TNFRSF19: variants seen among roughly 807,000 people sequenced by gnomAD.
TNFRSF19 encodes TNF receptor superfamily member 19.
A neutral mutation model predicts 46.4 loss-of-function variants in TNFRSF19; 27 were observed. The observed-to-expected ratio is 0.58, with a 90% CI of 0.43 to 0.80. The LOEUF is 0.80. Among genes scored for constraint, TNFRSF19 ranks in the 30% least tolerant of loss-of-function variants. The pLI is 0.00. For synonymous variants in TNFRSF19, 204 were observed against 205.0 expected (o/e 1.00, Z 0.04); for missense variants, 511 against 530.8 (o/e 0.96, Z 0.37).
intron 1 of TNFRSF19, among the ~76,000 whole-genome samples, chr13:23,581,498 T>G: frequency 6.6e-6 from 1 of 152,202 alleles, no homozygotes; most frequent in Admixed American, 6.5e-5. Flanking sequence ...TGCTCACATG[T>G]AAAAGTAGCT....
At chr13:23,592,042 A>G (rs1879348599) in intron 2 of TNFRSF19, among the ~76,000 whole-genome samples, 2 of 152,028 alleles carry the variant, frequency 1.3e-5, no homozygotes, top group South Asian at 2.1e-4. Context: ...AGAATTTTCT[A>G]GTCTCAAACC....
intron 5 of TNFRSF19, among the ~76,000 whole-genome samples, chr13:23,643,076 C>A (rs1340359087): frequency 6.6e-6 from 1 of 152,220 alleles, no homozygotes; most frequent in Admixed American, 6.5e-5. Flanking sequence ...TTACCTTTAA[C>A]CCTTCGATCC....
intron 3 of TNFRSF19, among the ~76,000 whole-genome samples, chr13:23,612,505 CT>C (rs1161785067): frequency 6.6e-6 from 1 of 152,152 alleles, no homozygotes; most frequent in East Asian, 1.9e-4. Flanking sequence ...AATTTAATTT[CT>C]TGGAATCACC....
At chr13:23,584,849 C>T (rs1025565695) in intron 1 of TNFRSF19, among the ~76,000 whole-genome samples, 1 of 152,172 alleles carries the variant, frequency 6.6e-6, no homozygotes, top group Non-Finnish European at 1.5e-5. Context: ...ACAAAGAGAT[C>T]TGCCAACTCT....
intron 5 of TNFRSF19, among the ~76,000 whole-genome samples, chr13:23,648,993 A>C (rs1473949791): frequency 6.6e-6 from 1 of 152,092 alleles, no homozygotes; most frequent in East Asian, 1.9e-4. Flanking sequence ...TTTGTTGATA[A>C]TGTTTGTCTC....
intron 3 of TNFRSF19, among the ~76,000 whole-genome samples, chr13:23,605,772 A>T (rs2138224262): frequency 6.6e-6 from 1 of 152,334 alleles, no homozygotes; most frequent in African/African-American, 2.4e-5. Context: ...CTATGGAAAC[A>T]GTAAAAAGAT....
chr13:23,579,258 G>C (rs1878194672), intron 1 of TNFRSF19: 1 of 152,456 alleles, frequency 6.6e-6, no homozygotes, highest in African/African-American at 2.4e-5. Flanking sequence ...GCGGGGCTCT[G>C]GACGGGGGCG....
rs188656966 is a variant in TNFRSF19 at position 23,657,760 on chromosome 13, C to G, written c.446-1290C>G. 4.7e-4 allele frequency among the ~76,000 whole-genome samples: 72 copies of G among 152,178 alleles called. No individual in the cohort carries two copies. In the South Asian group the frequency reaches 7.5e-3, roughly 16 times the overall value. On this transcript the variant is annotated intron_variant, in intron 5 of 9. Transcript: ENST00000248484. ...CCAGGCTGGAGCGCAGTGGTGCGAT[C>G]ACAGCTCACTGCAGCTTCATAGGCT...
At chr13:23,636,845 T>C (rs1204406239) in intron 5 of TNFRSF19, among the ~76,000 whole-genome samples, 1 of 152,190 alleles carries the variant, frequency 6.6e-6, no homozygotes, top group Non-Finnish European at 1.5e-5. Flanking sequence ...AGCAGAGCAT[T>C]TTTAGCTGGC....
At chr13:23,623,956 A>G (rs1292212521) in intron 4 of TNFRSF19, among the ~76,000 whole-genome samples, 2 of 152,152 alleles carry the variant, frequency 1.3e-5, no homozygotes, top group Admixed American at 6.6e-5. Context: ...TAAGTTTAAT[A>G]TAGTCCCATT....
At chr13:23,591,469 A>C (rs1449468611) in intron 2 of TNFRSF19, among the ~76,000 whole-genome samples, 1 of 139,404 alleles carries the variant, frequency 7.2e-6, no homozygotes, top group Non-Finnish European at 1.5e-5. Flanking sequence ...AAATAAATAG[A>C]TACAAATAAA....
At chr13:23,608,260 G>A (rs1190682830) in intron 3 of TNFRSF19, among the ~76,000 whole-genome samples, 1 of 152,092 alleles carries the variant, frequency 6.6e-6, no homozygotes, top group African/African-American at 2.4e-5. Flanking sequence ...GATATCTTGG[G>A]CTATGTTCAT....
chr13:23,625,413 C>T (rs950014189), intron 4 of TNFRSF19, among the ~76,000 whole-genome samples: 8 of 147,654 alleles, frequency 5.4e-5, no homozygotes, highest in Non-Finnish European at 7.4e-5. Context: ...ACTACAAGCT[C>T]CACCTCCCGG....
At chr13:23,643,022 T>C (rs1475870045) in intron 5 of TNFRSF19, among the ~76,000 whole-genome samples, 1 of 152,242 alleles carries the variant, frequency 6.6e-6, no homozygotes, top group East Asian at 1.9e-4. Context: ...GTAGGTGTAA[T>C]TAAAAGCAAC....
rs767945867 is a variant in TNFRSF19, at chr13:23,668,743, G to A, written c.891G>A (p.Thr297=). The change falls in exon 9 of 10, where the codon ACG becomes ACA. Residue 297 remains threonine, a synonymous_variant. Coordinates refer to ENST00000248484, the MANE Select transcript of TNFRSF19 (RefSeq NM_148957.4). ...TGCCGACTTTCTTCGGATCCCTCAC[G>A]CAGTCCATCTGTGGCGAGTTTTCAG... ...EMVPTFFGSL[T]QSICGEFSDA... 1.5e-5 allele frequency: 25 copies of A among 1,614,118 alleles called. No homozygotes were observed. Among genetic ancestry groups the A allele is most frequent in the East Asian group, 2.2e-5 (1 of 44,904 alleles).
intron 3 of TNFRSF19, among the ~76,000 whole-genome samples, chr13:23,600,242 A>G (rs75751317): frequency 0.015 from 2,256 of 152,314 alleles, 56 homozygotes; most frequent in African/African-American, 0.051. Flanking sequence ...GGAAGTAAAA[A>G]GCTGAACAAA....
chr13:23,628,480 C>G (rs1205097419), intron 5 of TNFRSF19, among the ~76,000 whole-genome samples: 1 of 152,188 alleles, frequency 6.6e-6, no homozygotes, highest in Non-Finnish European at 1.5e-5. Context: ...AAATCATGCA[C>G]TGCAGCCCAG....
intron 2 of TNFRSF19, among the ~76,000 whole-genome samples, chr13:23,590,858 T>C (rs1879228987): frequency 6.6e-6 from 1 of 152,226 alleles, no homozygotes; most frequent in Non-Finnish European, 1.5e-5. Flanking sequence ...GGCATATATC[T>C]CTTGTAACAT....
chr13:23,579,415 C>G (rs1369397295), intron 1 of TNFRSF19: 2 of 126,198 alleles, frequency 1.6e-5, no homozygotes, highest in Non-Finnish European at 3.4e-5. Flanking sequence ...ACGGTGTGCA[C>G]GCTGGACTGG....
Sources: allele counts gnomAD v4.1 joint callset (sites outside exome capture counted in the v4.1 genomes callset), GRCh38; gene constraint gnomAD v4.1.1; transcripts MANE v1.5; gene names NCBI Gene and HGNC (gene_info 2026-07-23, HGNC 2026-07-21).